TUT4: variants seen among roughly 807,000 people sequenced by gnomAD.
TUT4 encodes terminal uridylyl transferase 4.
TUT4 carries 36 observed loss-of-function variants against 192.2 expected under a neutral mutation model. That is an observed-to-expected ratio of 0.19 (90% CI 0.14 to 0.25). TUT4 has a LOEUF of 0.25. Among genes scored for constraint, TUT4 ranks in the 10% least tolerant of loss-of-function variants. The pLI is 1.00. For synonymous variants in TUT4, 618 were observed against 666.0 expected, an observed-to-expected ratio of 0.93 and a Z score of 1.11; for missense variants, 1,493 against 1,957.2, an observed-to-expected ratio of 0.76 and a Z score of 4.47.
At chr1:52,440,555 T>A (rs186185789) in intron 24 of TUT4, among the ~76,000 whole-genome samples, 173 of 152,096 alleles carry the variant, frequency 1.1e-3, no homozygotes, top group African/African-American at 3.9e-3. Context: ...AGGTCTTAAT[T>A]CACCCAAGAT....
At chr1:52,463,157 G>GCACA (rs1390680660) in intron 16 of TUT4, 8 of 981,296 alleles carry the variant, frequency 8.2e-6, no homozygotes, top group Non-Finnish European at 9.7e-6. Flanking sequence ...AGTAGGAATG[G>GCACA]CACAGATTAT....
intron 2 of TUT4, among the ~76,000 whole-genome samples, chr1:52,523,773 T>C (rs973684956): frequency 2.6e-5 from 4 of 151,912 alleles, no homozygotes; most frequent in African/African-American, 7.3e-5. Context: ...TAATATACAA[T>C]TGAGACTGAG....
At chr1:52,468,481 C>A in intron 14 of TUT4, 2 of 447,084 alleles carry the variant, frequency 4.5e-6, no homozygotes, top group Non-Finnish European at 7.9e-6. Flanking sequence ...GGGGAAGAAA[C>A]GAAAATAAAT....
intron 3 of TUT4, among the ~76,000 whole-genome samples, chr1:52,513,943 T>C (rs1363568096): frequency 6.6e-6 from 1 of 152,202 alleles, no homozygotes; most frequent in Non-Finnish European, 1.5e-5. Flanking sequence ...AGTAAAGTTT[T>C]TGGCACAAAA....
At position 52,490,770 on chromosome 1, in the gene TUT4, G is replaced by A. The variant is rs772830610; in HGVS notation, c.1350C>T (p.His450=). The part of the protein sequence containing the change: ...VLYVDVESDF[H]AKVPVVVCRD... ...TGCACACCACAACAGGAACTTTAGC[G>A]TGAAAATCAGATTCCACATCTACAT... Residue 450 remains histidine (H), a synonymous_variant, in exon 8 of 30, where the codon CAC becomes CAT. Coordinates refer to ENST00000257177, the MANE Select transcript of TUT4 (RefSeq NM_001009881.3). 44 of 1,611,168 alleles carry A rather than the reference G, an allele frequency of 2.7e-5. No homozygotes were observed. The Middle Eastern group carries it at 9.9e-4, about 36-fold the overall frequency.
intron 24 of TUT4, among the ~76,000 whole-genome samples, chr1:52,445,046 T>C (rs1435457978): frequency 6.6e-6 from 1 of 151,322 alleles, no homozygotes; most frequent in Non-Finnish European, 1.5e-5. Context: ...TATATGTGTG[T>C]GTGTGTCTGT....
chr1:52,495,380 A>T, intron 6 of TUT4, 47 bp downstream of exon 6: 1 of 1,176,924 alleles, frequency 8.5e-7, no homozygotes, highest in Non-Finnish European at 1.2e-6. Flanking sequence ...CATAAAAATT[A>T]CTAAGTACTA....
At chr1:52,495,381 C>G in intron 6 of TUT4, 46 bp downstream of exon 6, 1 of 1,195,892 alleles carries the variant, frequency 8.4e-7, no homozygotes, top group Non-Finnish European at 1.2e-6. Flanking sequence ...ATAAAAATTA[C>G]TAAGTACTAG....
chr1:52,447,317 C>T (rs373437675), intron 20 of TUT4, among the ~76,000 whole-genome samples: 236 of 151,926 alleles, frequency 1.6e-3, no homozygotes, highest in African/African-American at 5.4e-3. Context: ...GGCGTGGTGG[C>T]GTGCACCTGT....
chr1:52,434,279 T>C (rs903148164), intron 27 of TUT4: 2 of 152,354 alleles, frequency 1.3e-5, no homozygotes, highest in South Asian at 2.1e-4. Context: ...AGATTTAGCA[T>C]GTTAAACGGT....
intron 12 of TUT4, among the ~76,000 whole-genome samples, chr1:52,475,887 C>T (rs1409705084): frequency 6.6e-6 from 1 of 151,980 alleles, no homozygotes; most frequent in Non-Finnish European, 1.5e-5. Context: ...CTCTGTCCCC[C>T]AAGCTGGAGT....
chr1:52,440,546 G>T (rs1655232076), intron 24 of TUT4, among the ~76,000 whole-genome samples: 1 of 150,654 alleles, frequency 6.6e-6, no homozygotes, highest in South Asian at 2.1e-4. Context: ...ACAACATAAA[G>T]GTCTTAATTC....
intron 12 of TUT4, among the ~76,000 whole-genome samples, chr1:52,476,235 CTGAT>C: frequency 6.6e-6 from 1 of 151,854 alleles, no homozygotes; most frequent in Middle Eastern, 3.4e-3. Flanking sequence ...TGAAAAAAAA[CTGAT>C]TTTAAGATTT....
At chr1:52,486,578 T>A (rs571156357) in intron 9 of TUT4, among the ~76,000 whole-genome samples, 1 of 152,246 alleles carries the variant, frequency 6.6e-6, no homozygotes, top group South Asian at 2.1e-4. Flanking sequence ...TTTAAAAAAA[T>A]CTTTTAGAAG....
chr1:52,518,715 C>T (rs1292139168), intron 2 of TUT4, among the ~76,000 whole-genome samples: 1 of 152,084 alleles, frequency 6.6e-6, no homozygotes, highest in Admixed American at 6.5e-5. Context: ...ACACAGAAGA[C>T]CACATATTGT....
chr1:52,459,749 C>A (rs1662031990), intron 19 of TUT4, among the ~76,000 whole-genome samples: 2 of 151,966 alleles, frequency 1.3e-5, no homozygotes, highest in African/African-American at 4.8e-5. Flanking sequence ...GGCGTGGTAG[C>A]AGGCACCTGT....
At chr1:52,448,318 T>C (rs1307551341) in intron 20 of TUT4, among the ~76,000 whole-genome samples, 3 of 152,212 alleles carry the variant, frequency 2.0e-5, no homozygotes, top group African/African-American at 7.2e-5. Flanking sequence ...CCGGGCGCAG[T>C]GGCTCATGCC....
intron 13 of TUT4, among the ~76,000 whole-genome samples, chr1:52,474,328 T>G (rs995311079): frequency 6.6e-6 from 1 of 152,192 alleles, no homozygotes; most frequent in East Asian, 1.9e-4. Context: ...AGAAACAGAA[T>G]CTGGATTCTT....
intron 3 of TUT4, among the ~76,000 whole-genome samples, chr1:52,513,603 A>G (rs1677897004): frequency 6.6e-6 from 1 of 152,166 alleles, no homozygotes. Context: ...AACAACAAAT[A>G]AAATGTTTTC....
Sources: gnomAD v4.1 joint callset for allele counts (sites outside exome capture counted in the v4.1 genomes callset) on GRCh38, gnomAD v4.1.1 for gene constraint, MANE v1.5 for transcripts, NCBI Gene and HGNC (gene_info 2026-07-23, HGNC 2026-07-21) for gene names.